The following PHACTR4 variants were observed in gnomAD, a reference collection of about 807,000 sequenced individuals.
PHACTR4 encodes protein phosphatase 1, regulatory subunit 124.
A neutral mutation model predicts 72.7 loss-of-function variants in PHACTR4; 51 were observed. The ratio of observed to expected loss-of-function variants is 0.70; its 90% CI spans 0.56 to 0.89. The LOEUF is 0.89. Ranked by LOEUF, PHACTR4 falls within the 40% of genes least tolerant of loss-of-function variation. PHACTR4 has a pLI of 0.00. For missense variants in PHACTR4, 731 were observed against 861.8 expected, an observed-to-expected ratio of 0.85 and a Z score of 1.90; for synonymous variants, 255 against 302.5, an observed-to-expected ratio of 0.84 and a Z score of 1.63.
intron 2 of PHACTR4, among the ~76,000 whole-genome samples, chr1:28,417,143 G>A (rs1356404087): frequency 6.6e-6 from 1 of 151,310 alleles, no homozygotes; most frequent in Non-Finnish European, 1.5e-5. Context: ...AAAATCCTAT[G>A]TAGACTAGTG....
chr1:28,479,351 C>T (rs1454403143), intron 8 of PHACTR4, among the ~76,000 whole-genome samples: 3 of 148,090 alleles, frequency 2.0e-5, no homozygotes, highest in East Asian at 2.0e-4. Context: ...ACCCAGGAGA[C>T]GGAAGTCGCA....
intron 1 of PHACTR4, among the ~76,000 whole-genome samples, chr1:28,406,565 C>T (rs1463416439): frequency 1.3e-5 from 2 of 152,226 alleles, no homozygotes; most frequent in Admixed American, 1.3e-4. Context: ...TACGAGTAGC[C>T]CATGAGCCAC....
intron 1 of PHACTR4, among the ~76,000 whole-genome samples, chr1:28,399,997 C>T (rs1309300810): frequency 1.3e-5 from 2 of 152,136 alleles, no homozygotes; most frequent in African/African-American, 4.8e-5. Context: ...ATGGGTAAAA[C>T]AGAGTGAGCA....
At chr1:28,442,937 G>A (rs958211754) in intron 2 of PHACTR4, among the ~76,000 whole-genome samples, 1 of 152,024 alleles carries the variant, frequency 6.6e-6, no homozygotes, top group African/African-American at 2.4e-5. Context: ...TTTATATTGG[G>A]AAGGTTGAAA....
At position 28,500,202 on chromosome 1, in the gene PHACTR4, A is replaced by G. The variant is rs1244052077; in HGVS notation, c.*3653A>G. The G allele has an allele frequency of 4.6e-5, 7 of 152,156 alleles. No individual in the cohort carries two copies. Among genetic ancestry groups the G allele is most frequent in the Non-Finnish European group, 1.0e-4 (7 of 68,028 alleles). 9.4% of individuals were successfully genotyped at this position (152,156 alleles called of 1,614,324 possible). On this transcript the variant is annotated 3_prime_UTR_variant, in exon 14 of 14. Coordinates refer to ENST00000373839, the MANE Select transcript of PHACTR4 (RefSeq NM_001048183.3). ...TCCATGTAAGTACCAACTTATATGG[A>G]AACTCACAATCATAATGTAAAGAAG... is the stretch of plus-strand genomic sequence containing the variant.
intron 8 of PHACTR4, among the ~76,000 whole-genome samples, chr1:28,478,147 A>T (rs1400147001): frequency 6.6e-6 from 1 of 152,132 alleles, no homozygotes; most frequent in Admixed American, 6.6e-5. Context: ...GAGAACATAC[A>T]ACATTTATCT....
At chr1:28,409,208 A>G (rs1379809095) in intron 2 of PHACTR4, among the ~76,000 whole-genome samples, 2 of 150,358 alleles carry the variant, frequency 1.3e-5, no homozygotes, top group Middle Eastern at 3.2e-3. Context: ...CAATCATAGC[A>G]TGCTACATCC....
At chr1:28,396,719 C>T (rs976777980) in intron 1 of PHACTR4, among the ~76,000 whole-genome samples, 31 of 149,360 alleles carry the variant, frequency 2.1e-4, no homozygotes, top group African/African-American at 6.6e-4. Flanking sequence ...AGTGCAATGG[C>T]GCAATCTCGG....
chr1:28,492,616 C>T (rs1355217750), intron 12 of PHACTR4, among the ~76,000 whole-genome samples: 10 of 151,552 alleles, frequency 6.6e-5, no homozygotes, highest in Non-Finnish European at 1.2e-4. Context: ...ACAAAATAGC[C>T]GGACGTGGTA....
intron 9 of PHACTR4, among the ~76,000 whole-genome samples, chr1:28,484,182 G>C (rs997882243): frequency 6.6e-6 from 1 of 152,012 alleles, no homozygotes; most frequent in Non-Finnish European, 1.5e-5. Flanking sequence ...TTAGCCAGGC[G>C]TGGTGGCGCC....
intron 2 of PHACTR4, among the ~76,000 whole-genome samples, chr1:28,420,981 A>G (rs997179846): frequency 1.3e-5 from 2 of 152,184 alleles, no homozygotes; most frequent in African/African-American, 4.8e-5. Flanking sequence ...TAATGGGTTT[A>G]TGATGCCAGT....
intron 6 of PHACTR4, among the ~76,000 whole-genome samples, chr1:28,469,842 GGCC>G (rs1659450588): frequency 6.6e-6 from 1 of 151,948 alleles, no homozygotes; most frequent in Non-Finnish European, 1.5e-5. Flanking sequence ...GATCGCTTGA[GGCC>G]CAGAGTTTGA....
chr1:28,409,391 G>C (rs1165695851), intron 2 of PHACTR4, among the ~76,000 whole-genome samples: 1 of 152,072 alleles, frequency 6.6e-6, no homozygotes, highest in Non-Finnish European at 1.5e-5. Flanking sequence ...ATTTTTAACT[G>C]ATGCTCATTT....
intron 1 of PHACTR4, among the ~76,000 whole-genome samples, chr1:28,378,365 G>T (rs1211092870): frequency 6.7e-6 from 1 of 148,578 alleles, no homozygotes; most frequent in Non-Finnish European, 1.5e-5. Flanking sequence ...TTGGCTGCGT[G>T]TGGTGGCAAG....
At chr1:28,472,861 C>T (rs1659655453) in intron 6 of PHACTR4, among the ~76,000 whole-genome samples, 1 of 138,696 alleles carries the variant, frequency 7.2e-6, no homozygotes, top group Non-Finnish European at 1.5e-5. Context: ...AAGTAATCTG[C>T]CCACCTCGGC....
intron 1 of PHACTR4, among the ~76,000 whole-genome samples, chr1:28,385,371 C>A (rs1168500526): frequency 6.6e-6 from 1 of 151,698 alleles, no homozygotes; most frequent in Non-Finnish European, 1.5e-5. Context: ...TGGTAGAACC[C>A]CATCTCTACT....
chr1:28,407,381 G>C, intron 1 of PHACTR4, 29 bp from the exon 2 acceptor site: 1 of 1,234,970 alleles, frequency 8.1e-7, no homozygotes, highest in Non-Finnish European at 1.2e-6. Context: ...TATGTATTAA[G>C]TGTATCATTT....
intron 2 of PHACTR4, among the ~76,000 whole-genome samples, chr1:28,428,115 G>T (rs1277827384): frequency 6.6e-6 from 1 of 152,198 alleles, no homozygotes; most frequent in African/African-American, 2.4e-5. Context: ...ACTTGGCAAT[G>T]ATTTGAATCA....
rs1348477528 is a variant in PHACTR4 at position 28,385,109 on chromosome 1, T to C, written c.-39+15284T>C. ...TGTTAAATTGAGATCTTTGTAACTT[T>C]TTGATGTGGATACTTAGTGCTCTAA... On this transcript the variant is annotated intron_variant, in intron 1 of 13. Transcript: ENST00000373839. 2.4e-4 allele frequency among the ~76,000 whole-genome samples: 36 copies of C among 152,174 alleles called. 1 individual carries two copies. Among genetic ancestry groups the C allele is most frequent in the Admixed American group, 2.4e-3 (36 of 15,256 alleles).
Sources: gnomAD v4.1 joint callset for allele counts (sites outside exome capture counted in the v4.1 genomes callset) on GRCh38, gnomAD v4.1.1 for gene constraint, MANE v1.5 for transcripts, NCBI Gene and HGNC (gene_info 2026-07-23, HGNC 2026-07-21) for gene names.